FASTKD1: variants seen among roughly 807,000 people sequenced by gnomAD.
FASTKD1 encodes the protein FAST kinase domains 1, also known as FAST kinase domain-containing protein 1, mitochondrial.
FASTKD1 carries 94 observed loss-of-function variants against 90.9 expected under a neutral mutation model. The observed-to-expected ratio is 1.03, with a 90% CI of 0.88 to 1.23. The LOEUF is 1.23. FASTKD1 is among the 50% of genes most tolerant of loss of function. The pLI, the probability that FASTKD1 is intolerant of heterozygous loss-of-function variation, is 0.00. For missense variants in FASTKD1, 945 were observed against 993.5 expected, an observed-to-expected ratio of 0.95 and a Z score of 0.66; for synonymous variants, 319 against 345.8, an observed-to-expected ratio of 0.92 and a Z score of 0.86.
intron 7 of FASTKD1, among the ~76,000 whole-genome samples, chr2:169,548,974 G>T (rs1437302192): frequency 6.6e-6 from 1 of 151,660 alleles, no homozygotes; most frequent in Non-Finnish European, 1.5e-5. Context: ...GTGGGTGCCT[G>T]TAGTCCCAGC....
intron 7 of FASTKD1, among the ~76,000 whole-genome samples, chr2:169,550,370 T>C (rs1685434613): frequency 6.7e-6 from 1 of 149,952 alleles, no homozygotes; most frequent in African/African-American, 2.4e-5. Flanking sequence ...TATGGTCAAC[T>C]AGGAAAAAAA....
intron 3 of FASTKD1, among the ~76,000 whole-genome samples, chr2:169,567,744 C>T (rs931939253): frequency 1.3e-5 from 2 of 152,162 alleles, no homozygotes; most frequent in Admixed American, 6.5e-5. Context: ...CAAGACTTTC[C>T]TGTCTGGTTT....
chr2:169,540,276 T>C, intron 9 of FASTKD1, 97 bp from the exon 10 acceptor site: 1 of 1,219,556 alleles, frequency 8.2e-7, no homozygotes, highest in East Asian at 2.7e-5. Context: ...AAAAAAAAGA[T>C]ACACAGCCTT....
At chr2:169,538,278 T>A in intron 10 of FASTKD1, 137 bp from the exon 11 acceptor site, 2 of 706,952 alleles carry the variant, frequency 2.8e-6, no homozygotes, top group Non-Finnish European at 4.6e-6. Context: ...ACATTTCTAA[T>A]TTACAAATGT....
chr2:169,535,440 A>G (rs1684685558), intron 12 of FASTKD1, among the ~76,000 whole-genome samples: 1 of 65,396 alleles, frequency 1.5e-5, no homozygotes, highest in South Asian at 5.5e-4. Context: ...CATGCCTGCT[A>G]TTTATTTATT....
At chr2:169,545,037 T>C (rs1000969162) in intron 8 of FASTKD1, among the ~76,000 whole-genome samples, 2 of 152,180 alleles carry the variant, frequency 1.3e-5, no homozygotes, top group South Asian at 4.1e-4. Context: ...AAAGTGTTAA[T>C]GTAACAAAAA....
rs1684261933 is a variant in FASTKD1, at chr2:169,572,088, T to A, written c.-59A>T. The stretch of plus-strand genomic sequence containing the variant: ...ATCTGCAACTAGTCGTCAGGTGCAA[T>A]AAGCAGGGATACAAATAACAGTTTT... On this transcript the variant is annotated 5_prime_UTR_variant, in exon 2 of 15. Transcript: ENST00000453153. 6.6e-7 allele frequency: 1 copy of A among 1,514,970 alleles called. No individual in the cohort carries two copies. Among genetic ancestry groups the A allele is most frequent in the African/African-American group, 1.4e-5 (1 of 71,816 alleles). 93.8% of individuals were successfully genotyped at this position (1,514,970 alleles called of 1,614,324 possible).
chr2:169,559,146 T>C (rs1683470332), intron 5 of FASTKD1, among the ~76,000 whole-genome samples: 1 of 151,780 alleles, frequency 6.6e-6, no homozygotes, highest in African/African-American at 2.4e-5. Context: ...ACTTATCTTG[T>C]ATTTTTAGTA....
chr2:169,555,337 G>T, intron 6 of FASTKD1, 82 bp from the exon 7 acceptor site: 2 of 1,179,616 alleles, frequency 1.7e-6, no homozygotes, highest in Middle Eastern at 2.6e-4. Context: ...CAGACACTCC[G>T]TTCTGTGCTG....
intron 2 of FASTKD1, among the ~76,000 whole-genome samples, chr2:169,571,419 C>A (rs534930370): frequency 2.6e-5 from 4 of 151,490 alleles, no homozygotes; most frequent in African/African-American, 9.7e-5. Context: ...AAAAAATTAG[C>A]CGGGCGTGGT....
At chr2:169,547,074 CT>C (rs1270615594) in intron 7 of FASTKD1, among the ~76,000 whole-genome samples, 1 of 152,210 alleles carries the variant, frequency 6.6e-6, no homozygotes, top group African/African-American at 2.4e-5. Context: ...GAGCAACCGG[CT>C]TCAAGTTGGG....
chr2:169,559,073 C>T (rs1328728380), intron 5 of FASTKD1, among the ~76,000 whole-genome samples: 1 of 150,948 alleles, frequency 6.6e-6, no homozygotes, highest in Non-Finnish European at 1.5e-5. Context: ...CTCCCGGGTT[C>T]AAGCGATTCT....
chr2:169,538,089 AT>A lies in FASTKD1; in HGVS notation c.1997del (p.Asn666IlefsTer42). On this transcript the variant is annotated frameshift_variant, in exon 11 of 15. Transcript: ENST00000453153. LOFTEE classifies it high-confidence loss of function. ...CAGGGCATTCCAAGCAGACTGATCT[AT>A]TTAACTCCATAAGATGAAACTGGAC... ...ARVQFHLMEL[N>X]RSVCLECPEF... 6.2e-7 allele frequency: 1 copy of A among 1,611,538 alleles called. No homozygotes were observed. The highest frequency in any genetic ancestry group is 8.5e-7 in the Non-Finnish European group (1 of 1,178,848).
chr2:169,554,071 C>G (rs1413068825), intron 7 of FASTKD1, among the ~76,000 whole-genome samples: 1 of 150,386 alleles, frequency 6.6e-6, no homozygotes, highest in East Asian at 2.0e-4. Flanking sequence ...TGCCACTGCA[C>G]TCCAGCTTGG....
chr2:169,560,850 T>C (rs1398443323), intron 4 of FASTKD1, 65 bp from the exon 5 acceptor site: 4 of 1,292,002 alleles, frequency 3.1e-6, no homozygotes, highest in Non-Finnish European at 4.1e-6. Flanking sequence ...TTTTTTTTTT[T>C]TTTTTTTTTT....
intron 2 of FASTKD1, 72 bp downstream of exon 2, chr2:169,571,581 T>C (rs1684231620): frequency 1.9e-6 from 2 of 1,046,150 alleles, no homozygotes; most frequent in Non-Finnish European, 1.3e-6. Context: ...AAAATGAAAA[T>C]AAAGAGATTT....
chr2:169,556,943 G>T (rs1295810922), intron 6 of FASTKD1, among the ~76,000 whole-genome samples: 1 of 152,036 alleles, frequency 6.6e-6, no homozygotes, highest in Admixed American at 6.6e-5. Context: ...GGAAGCAGAG[G>T]TTGCAGTAAG....
Position 169,569,228 on chromosome 2 carries a change from C to A in FASTKD1, c.402G>T (p.Pro134=). Residue 134 remains proline (P), a synonymous_variant, in exon 3 of 15, where the codon CCG becomes CCT. Transcript: ENST00000453153. ...TQQFAGEAHD[P]LVEALVTEAW... is the part of the protein sequence containing the mutation. The stretch of plus-strand genomic sequence containing the variant: ...CTTCTGTAACTAGTGCTTCAACTAG[C>A]GGGTCATGGGCCTCACCAGCAAACC... The A allele has an allele frequency of 6.2e-7, 1 of 1,613,994 alleles. No homozygotes were observed. The highest frequency in any genetic ancestry group is 8.5e-7 in the Non-Finnish European group (1 of 1,179,982).
In FASTKD1 at chr2:169,548,471, C is replaced by T. The variant is rs1685321283; in HGVS notation, c.1215-1767G>A. Among the ~76,000 whole-genome samples the T allele has an allele frequency of 2.0e-5, 3 of 150,464 alleles. No individual in the cohort carries two copies. The South Asian group carries it at 6.3e-4, about 32-fold the overall frequency. ...CTGGGGCCGGGCATGGTGGCTCACA[C>T]CTTTAATTCCAGCATTTTGAGAGGC... is the stretch of plus-strand genomic sequence containing the variant. On this transcript the variant is annotated intron_variant, in intron 7 of 14. Transcript: ENST00000453153.
Sources: allele counts gnomAD v4.1 joint callset (sites outside exome capture counted in the v4.1 genomes callset), GRCh38; gene constraint gnomAD v4.1.1; transcripts MANE v1.5; gene names NCBI Gene and HGNC (gene_info 2026-07-23, HGNC 2026-07-21).